Variants in CACNA1E observed in about 807,000 individuals in gnomAD.
CACNA1E encodes the protein voltage-dependent R-type calcium channel subunit alpha-1E.
Under a neutral mutation model 259.2 loss-of-function variants are expected in CACNA1E, and 40 were observed. The observed-to-expected ratio is 0.15, with a 90% CI of 0.12 to 0.20. The LOEUF (loss-of-function observed/expected upper bound fraction) is 0.20. CACNA1E is among the 10% of genes least tolerant of loss of function. The pLI is 1.00. For missense variants in CACNA1E, 1,874 were observed against 3,040.1 expected, an observed-to-expected ratio of 0.62 and a Z score of 9.02; for synonymous variants, 1,104 against 1,138.5, an observed-to-expected ratio of 0.97 and a Z score of 0.61.
chr1:181,399,216 G>GTTT (rs563079552), intron 1 of CACNA1E, among the ~76,000 whole-genome samples: 199 of 138,794 alleles, frequency 1.4e-3, no homozygotes, highest in Admixed American at 4.6e-3. Context: ...AGTTTAGAGA[G>GTTT]TTTTTTTTTT....
rs1331790879 is a variant in CACNA1E at position 181,671,812 on chromosome 1, CAG to C, written c.1055+20372_1055+20373del. On this transcript the variant is annotated intron_variant, in intron 7 of 47. Transcript: ENST00000367573. ...TGTGTGGAAGGCTTCATTCTTCACT[CAG>C]GGGTGTTAAAAAGGATGCCTTTGTG... Among the ~76,000 whole-genome samples, 4 of 152,296 alleles carry C rather than the reference CAG, an allele frequency of 2.6e-5. No homozygotes were observed. The East Asian group carries it at 7.7e-4, about 29-fold the overall frequency.
chr1:181,583,625 C>A (rs1651774347), intron 6 of CACNA1E, among the ~76,000 whole-genome samples: 1 of 152,180 alleles, frequency 6.6e-6, no homozygotes, highest in African/African-American at 2.4e-5. Context: ...TCCTAGATGC[C>A]TCCCTATGAC....
intron 7 of CACNA1E, among the ~76,000 whole-genome samples, chr1:181,702,611 A>C (rs1652380876): frequency 6.6e-6 from 1 of 152,022 alleles, no homozygotes; most frequent in African/African-American, 2.4e-5. Flanking sequence ...TTTTCCATGT[A>C]TTCAGTCCAC....
chr1:181,433,789 T>C (rs1659885667), intron 2 of CACNA1E, among the ~76,000 whole-genome samples: 1 of 152,244 alleles, frequency 6.6e-6, no homozygotes. Flanking sequence ...AAGTATCGTT[T>C]GAAAACATCA....
intron 6 of CACNA1E, among the ~76,000 whole-genome samples, chr1:181,585,783 G>C (rs1186933757): frequency 6.6e-6 from 1 of 152,166 alleles, no homozygotes; most frequent in Non-Finnish European, 1.5e-5. Flanking sequence ...GGGTGTATTT[G>C]AAGAACAGCA....
intron 38 of CACNA1E, among the ~76,000 whole-genome samples, chr1:181,777,389 A>G (rs955585219): frequency 7.2e-5 from 11 of 152,228 alleles, no homozygotes; most frequent in African/African-American, 2.4e-4. Context: ...CCAAAAATCT[A>G]TCCTCTGGTG....
chr1:181,786,150 TCCCCGTGGATCTAG>T (rs1377886837), intron 43 of CACNA1E, among the ~76,000 whole-genome samples: 1 of 152,152 alleles, frequency 6.6e-6, no homozygotes, highest in Admixed American at 6.5e-5. Context: ...GATTATCGCT[TCCCCGTGGATCTAG>T]TGTCCTGCTG....
chr1:181,793,807 A>G lies in CACNA1E; in HGVS notation c.6027+14A>G, dbSNP rs778905000. ...GTGGATCCCCAGGTAAAAAGCAACC[A>G]CCTACATTAATGCAGTGGCATCCGG... is the stretch of plus-strand genomic sequence containing the variant. On this transcript the variant is annotated intron_variant, in intron 45 of 47. Transcript: ENST00000367573. The G allele has an allele frequency of 6.2e-7, 1 of 1,609,886 alleles. No individual in the cohort carries two copies. Among genetic ancestry groups the G allele is most frequent in the Non-Finnish European group, 8.5e-7 (1 of 1,178,750 alleles).
chr1:181,499,650 G>A (rs567185501), intron 1 of CACNA1E, among the ~76,000 whole-genome samples: 4 of 152,346 alleles, frequency 2.6e-5, no homozygotes, highest in South Asian at 2.1e-4. Context: ...AGCATTCGAA[G>A]CCTGGCTGCA....
intron 2 of CACNA1E, among the ~76,000 whole-genome samples, chr1:181,469,219 A>G (rs115754203): frequency 1.1e-4 from 17 of 152,284 alleles, no homozygotes; most frequent in Non-Finnish European, 2.2e-4. Flanking sequence ...GACTCTGCCC[A>G]TCTCCTGAAT....
At chr1:181,326,852 C>T (rs77122689) in intron 1 of CACNA1E, among the ~76,000 whole-genome samples, 15,367 of 152,190 alleles carry the variant, frequency 0.1, 907 homozygotes, top group East Asian at 0.17. Flanking sequence ...TCCTGTTGCC[C>T]GAGACAGAAA....
In CACNA1E at chr1:181,755,889, T is replaced by G; in HGVS notation, c.3990-67T>G. ...CCCCACATTATTGCGGCCTGTAGAA[T>G]GTGCTGACTCTTCTGTAGAATGAGC... On this transcript the variant is annotated intron_variant, in intron 28 of 47. Coordinates refer to ENST00000367573, the MANE Select transcript of CACNA1E (RefSeq NM_001205293.3). 4 of 1,501,468 alleles carry G rather than the reference T, an allele frequency of 2.7e-6. No individual in the cohort carries two copies. In the South Asian group the frequency reaches 5.0e-5, roughly 19 times the overall value. The allele number at this position is 1,501,468 out of a possible 1,614,324, so 93.0% of individuals were successfully genotyped here.
intron 1 of CACNA1E, among the ~76,000 whole-genome samples, chr1:181,378,630 C>T (rs1442871026): frequency 6.6e-6 from 1 of 152,146 alleles, no homozygotes; most frequent in Non-Finnish European, 1.5e-5. Context: ...GGAAACTACC[C>T]AAGGCTGGGG....
chr1:181,340,269 T>C (rs2102629850), intron 1 of CACNA1E, among the ~76,000 whole-genome samples: 1 of 152,188 alleles, frequency 6.6e-6, no homozygotes, highest in East Asian at 1.9e-4. Context: ...TATGCATCTG[T>C]TTCAGCATTT....
At chr1:181,502,476 G>A (rs959649555) in intron 1 of CACNA1E, among the ~76,000 whole-genome samples, 3 of 152,108 alleles carry the variant, frequency 2.0e-5, no homozygotes, top group African/African-American at 7.2e-5. Context: ...AAGGAGCCCT[G>A]GGCCAAGACT....
chr1:181,762,000 C>A (rs978812848), intron 32 of CACNA1E, among the ~76,000 whole-genome samples: 1 of 152,202 alleles, frequency 6.6e-6, no homozygotes, highest in Non-Finnish European at 1.5e-5. Flanking sequence ...TTTGAAAAGG[C>A]TCAATGGAGT....
intron 6 of CACNA1E, among the ~76,000 whole-genome samples, chr1:181,650,373 TG>T (rs1366203594): frequency 6.6e-6 from 1 of 152,208 alleles, no homozygotes; most frequent in Non-Finnish European, 1.5e-5. Context: ...AAGTTTCAAA[TG>T]GGTCTTAGAG....
chr1:181,473,134 C>T (rs892682577), intron 2 of CACNA1E, among the ~76,000 whole-genome samples: 4 of 152,168 alleles, frequency 2.6e-5, no homozygotes, highest in Non-Finnish European at 4.4e-5. Flanking sequence ...TTTGTATCGC[C>T]GGTGCAGCAG....
intron 18 of CACNA1E, among the ~76,000 whole-genome samples, chr1:181,730,720 G>C (rs1307230276): frequency 6.6e-6 from 1 of 152,230 alleles, no homozygotes; most frequent in East Asian, 1.9e-4. Flanking sequence ...GCTGGGTCAG[G>C]TTCTGCTATG....
Sources: gnomAD v4.1 joint callset for allele counts (sites outside exome capture counted in the v4.1 genomes callset) on GRCh38, gnomAD v4.1.1 for gene constraint, MANE v1.5 for transcripts, NCBI Gene and HGNC (gene_info 2026-07-23, HGNC 2026-07-21) for gene names.